NCMAP: variants seen among roughly 807,000 people sequenced by gnomAD.
NCMAP encodes non-compact myelin associated protein.
NCMAP carries 8 observed loss-of-function variants against 7.8 expected under a neutral mutation model. The ratio of observed to expected loss-of-function variants is 1.02; its 90% CI spans 0.60 to 1.84. The LOEUF (loss-of-function observed/expected upper bound fraction) is 1.84, where lower values mean the gene tolerates loss of function less well. Among genes scored for constraint, NCMAP ranks in the 40% most tolerant of loss-of-function variants. The pLI is 0.00. For synonymous variants in NCMAP, 41 were observed against 52.9 expected (o/e 0.78, Z 0.98); for missense variants, 112 against 131.4 (o/e 0.85, Z 0.72).
At chr1:24,575,471 G>T (rs1651526535) in intron 1 of NCMAP, among the ~76,000 whole-genome samples, 1 of 152,074 alleles carries the variant, frequency 6.6e-6, no homozygotes, top group Non-Finnish European at 1.5e-5. Context: ...AGGAAATGAG[G>T]CTCCTGGAGG....
chr1:24,592,586 C>T (rs1652079292), intron 1 of NCMAP, among the ~76,000 whole-genome samples: 1 of 152,060 alleles, frequency 6.6e-6, no homozygotes, highest in African/African-American at 2.4e-5. Flanking sequence ...AGATAGAATA[C>T]AAAAGGGATT....
intron 1 of NCMAP, among the ~76,000 whole-genome samples, chr1:24,572,265 C>T (rs1465292407): frequency 6.6e-6 from 1 of 150,654 alleles, no homozygotes; most frequent in East Asian, 1.9e-4. Flanking sequence ...GAGGGCGTTC[C>T]CCCACTGGGA....
chr1:24,571,244 A>G (rs1336724759), intron 1 of NCMAP, among the ~76,000 whole-genome samples: 1 of 150,680 alleles, frequency 6.6e-6, no homozygotes, highest in Non-Finnish European at 1.5e-5. Flanking sequence ...TGGGAGGCCG[A>G]GGCAGGCGGA....
rs1652525566 is a variant in NCMAP, at chr1:24,602,257, G to T, written c.167+1233G>T. On this transcript the variant is annotated intron_variant, in intron 3 of 3. Coordinates refer to ENST00000374392, the MANE Select transcript of NCMAP (RefSeq NM_001010980.5). ...TGGCATTGTTAGTTTTTGCTGGGAG[G>T]GGGATGTTCCTAATTTTTGAGGAAT... Among the ~76,000 whole-genome samples the T allele has an allele frequency of 2.0e-5, 3 of 152,138 alleles. No homozygotes were observed. In the South Asian group the frequency reaches 6.2e-4, roughly 32 times the overall value.
intron 3 of NCMAP, among the ~76,000 whole-genome samples, chr1:24,603,743 A>C (rs1200371340): frequency 6.6e-6 from 1 of 152,206 alleles, no homozygotes; most frequent in Non-Finnish European, 1.5e-5. Context: ...TGCAACTCAC[A>C]AATGGTTCAC....
chr1:24,577,420 T>TTTTTTTTTTTTTTTTTTTG (rs1557596597), intron 1 of NCMAP, among the ~76,000 whole-genome samples: 17 of 143,844 alleles, frequency 1.2e-4, no homozygotes, highest in East Asian at 4.3e-4. Flanking sequence ...TTTTTTTTTT[T>TTTTTTTTTTTTTTTTTTTG]TTTTTTTTTT....
chr1:24,606,039 C>T lies in NCMAP; in HGVS notation c.*292C>T, dbSNP rs998580693. 2.7e-6 allele frequency: 1 copy of T among 376,708 alleles called. No individual in the cohort carries two copies. The highest frequency in any genetic ancestry group is 4.1e-5 in the Admixed American group (1 of 24,686). 23.3% of individuals were successfully genotyped at this position (376,708 alleles called of 1,614,324 possible). A position where few individuals can be genotyped will look rare whatever the true frequency, so the allele number is the denominator to read the frequency against. Reference sequence around the variant, plus strand: ...CACCAATGTGGGCTTGGCTTTCCCCCACACTGTAGTTAGACAGATAGACAG... The same window carrying T: ...CACCAATGTGGGCTTGGCTTTCCCCTACACTGTAGTTAGACAGATAGACAG... On this transcript the variant is annotated 3_prime_UTR_variant, in exon 4 of 4. Coordinates refer to ENST00000374392, the MANE Select transcript of NCMAP (RefSeq NM_001010980.5).
chr1:24,604,591 AAAAAAAAAAAAAAAATATATATATAT>A (rs1557605216), intron 3 of NCMAP, among the ~76,000 whole-genome samples: 13 of 62,734 alleles, frequency 2.1e-4, no homozygotes, highest in South Asian at 1.0e-3. Flanking sequence ...AAAAAAAAAA[AAAAAAAAAAAAAAAATATATATATAT>A]ATATATATAT....
Position 24,605,725 on chromosome 1 carries a change from A to G in NCMAP, c.287A>G (p.Asp96Gly), listed in dbSNP as rs764919308. 9.3e-6 allele frequency: 15 copies of G among 1,614,014 alleles called. No homozygotes were observed. Among genetic ancestry groups the G allele is most frequent in the Non-Finnish European group, 1.2e-5 (14 of 1,180,038 alleles). Residue 96 changes from aspartate to glycine, a missense_variant, in exon 4 of 4, where the codon GAC becomes GGC. Transcript: ENST00000374392. The part of the protein sequence containing the change: ...HPATVTFSPV[D>G]VQVETR ...GCAACTGTGACCTTCAGTCCTGTTG[A>G]CGTCCAGGTGGAGACGCGATGACCT...
intron 1 of NCMAP, among the ~76,000 whole-genome samples, chr1:24,591,718 C>T (rs887268893): frequency 5.9e-5 from 9 of 152,060 alleles, no homozygotes; most frequent in African/African-American, 1.9e-4. Context: ...CACGGGGTTC[C>T]TGGTGGGAGC....
intron 1 of NCMAP, chr1:24,564,091 C>T (rs1651140570): frequency 6.6e-6 from 1 of 152,012 alleles, no homozygotes; most frequent in Non-Finnish European, 1.5e-5. Context: ...AAATAAAAGA[C>T]ATAATAGATG....
intron 2 of NCMAP, among the ~76,000 whole-genome samples, chr1:24,599,843 G>GC (rs1221383549): frequency 4.6e-5 from 1 of 21,916 alleles, no homozygotes; most frequent in African/African-American, 1.8e-4. Context: ...CCCCCCCTTG[G>GC]CCTCCCAAAG....
At position 24,608,205 on chromosome 1, in the gene NCMAP, G is replaced by A. The variant is rs1652824955; in HGVS notation, c.*2458G>A. 6.6e-6 allele frequency: 1 copy of A among 152,226 alleles called. No homozygotes were observed. Among genetic ancestry groups the A allele is most frequent in the South Asian group, 2.1e-4 (1 of 4,832 alleles). The allele number at this position is 152,226 out of a possible 1,614,324, so 9.4% of individuals were successfully genotyped here. On this transcript the variant is annotated 3_prime_UTR_variant, in exon 4 of 4. Transcript: ENST00000374392. ...TTTTCCAAAGTCACACAGCTAGTAA[G>A]TCACAAAGACAAGACTCAAAACCAG...
rs201100205 is a variant in NCMAP, at chr1:24,557,378, CATGTGTGT to C, written c.-8+1217_-8+1224del. The stretch of plus-strand genomic sequence containing the variant: ...ATTATAGGCACCCCCTCTTATGGTG[CATGTGTGT>C]ATGTGTGCATGTGTGTGTGTGTGCG... On this transcript the variant is annotated intron_variant, in intron 1 of 3. Transcript: ENST00000374392. 1.4e-3 allele frequency among the ~76,000 whole-genome samples: 218 copies of C among 151,920 alleles called. 3 individuals are homozygous for C. The East Asian group carries it at 0.039, about 27-fold the overall frequency.
At chr1:24,592,893 T>C (rs1652090050) in intron 1 of NCMAP, among the ~76,000 whole-genome samples, 1 of 151,982 alleles carries the variant, frequency 6.6e-6, no homozygotes. Flanking sequence ...CACTCCAGCC[T>C]GGGCAACAGA....
At chr1:24,565,572 T>TTGTGTGTGTGTGTGTGTGTGTG (rs58714256) in intron 1 of NCMAP, among the ~76,000 whole-genome samples, 12 of 143,672 alleles carry the variant, frequency 8.4e-5, no homozygotes, top group African/African-American at 3.1e-4. Flanking sequence ...TGATAGAAGA[T>TTGTGTGTGTGTGTGTGTGTGTG]TGTGTGTGTG....
intron 1 of NCMAP, among the ~76,000 whole-genome samples, chr1:24,577,794 T>C (rs138936517): frequency 1.8e-3 from 271 of 152,188 alleles, no homozygotes; most frequent in African/African-American, 6.3e-3. Context: ...TTGGGAGACT[T>C]AGTGCCTTAC....
At chr1:24,572,067 G>A (rs1651407812) in intron 1 of NCMAP, among the ~76,000 whole-genome samples, 1 of 150,760 alleles carries the variant, frequency 6.6e-6, no homozygotes, top group Non-Finnish European at 1.5e-5. Flanking sequence ...GCTGCTGGGT[G>A]GTGAAAGCCT....
At chr1:24,577,412 T>TTTTTTTG (rs1557596548) in intron 1 of NCMAP, among the ~76,000 whole-genome samples, 4 of 145,260 alleles carry the variant, frequency 2.8e-5, no homozygotes, top group African/African-American at 1.0e-4. Flanking sequence ...TTTTTTTTTT[T>TTTTTTTG]TTTTTTTTTT....
Sources: allele counts gnomAD v4.1 joint callset (sites outside exome capture counted in the v4.1 genomes callset), GRCh38; gene constraint gnomAD v4.1.1; transcripts MANE v1.5; gene names NCBI Gene and HGNC (gene_info 2026-07-23, HGNC 2026-07-21).